EXOC6: variants seen among roughly 807,000 people sequenced by gnomAD.
The protein encoded by EXOC6 is SEC15-like 1.
EXOC6 carries 60 observed loss-of-function variants against 112.5 expected under a neutral mutation model. That is an observed-to-expected ratio of 0.53 (90% CI 0.43 to 0.66). The LOEUF is 0.66. Ranked by LOEUF, EXOC6 falls within the 30% of genes least tolerant of loss-of-function variation. The pLI is 0.00. For synonymous variants in EXOC6, 295 were observed against 308.0 expected, an observed-to-expected ratio of 0.96 and a Z score of 0.44; for missense variants, 855 against 957.1, an observed-to-expected ratio of 0.89 and a Z score of 1.41.
In EXOC6 at chr10:92,894,920, C is replaced by G; in HGVS notation, c.322-10C>G. ...TTGTTTAAAAATATGAACATTCCTT[C>G]TTTTCTAAGGTGATAGTCCACACAG... On this transcript the variant is annotated splice_polypyrimidine_tract_variant and intron_variant, in intron 3 of 21. Transcript: ENST00000260762. The G allele has an allele frequency of 6.2e-7, 1 of 1,607,580 alleles. No individual in the cohort carries two copies. The highest frequency in any genetic ancestry group is 2.2e-5 in the East Asian group (1 of 44,776).
At chr10:92,997,715 A>C in intron 19 of EXOC6, 100 bp downstream of exon 19, 1 of 1,090,314 alleles carries the variant, frequency 9.2e-7, no homozygotes, top group Non-Finnish European at 1.2e-6. Flanking sequence ...AGGAGGGAGA[A>C]GGCCTGGTTC....
intron 9 of EXOC6, among the ~76,000 whole-genome samples, chr10:92,933,057 C>A (rs934448406): frequency 7.2e-5 from 11 of 152,114 alleles, no homozygotes; most frequent in African/African-American, 1.2e-4. Flanking sequence ...GGTATATATA[C>A]TTTTATATAA....
chr10:92,880,679 G>T (rs779228173), intron 1 of EXOC6, among the ~76,000 whole-genome samples: 1 of 152,012 alleles, frequency 6.6e-6, no homozygotes, highest in Non-Finnish European at 1.5e-5. Flanking sequence ...AAAATTTCTG[G>T]TAATGGGAAG....
rs147448690 is a variant in EXOC6, at chr10:92,986,348, C to A, written c.1954-11126C>A. Among the ~76,000 whole-genome samples, 485 of 152,120 alleles carry A rather than the reference C, an allele frequency of 3.2e-3. 7 individuals carry two copies. The highest frequency in any genetic ancestry group is 0.011 in the African/African-American group (457 of 41,478). On this transcript the variant is annotated intron_variant, in intron 18 of 21. Transcript: ENST00000260762. Reference sequence around the variant, plus strand: ...TTTACTAATGCAAATAAAATTTATTCGAAGTTAATCTAGAAAAAAGTTAGT... The same window carrying A: ...TTTACTAATGCAAATAAAATTTATTAGAAGTTAATCTAGAAAAAAGTTAGT...
intron 1 of EXOC6, among the ~76,000 whole-genome samples, chr10:92,828,996 G>T (rs970060250): frequency 3.9e-5 from 6 of 152,122 alleles, no homozygotes; most frequent in Non-Finnish European, 8.8e-5. Context: ...ACAAAGAGGA[G>T]CCTGTAAAAT....
Position 92,978,418 on chromosome 10 carries a change from CAA to C in EXOC6, c.1953+4189_1953+4190del, listed in dbSNP as rs538986161. 8.9e-4 allele frequency among the ~76,000 whole-genome samples: 134 copies of C among 151,304 alleles called. 1 individual carries two copies. Among genetic ancestry groups the C allele is most frequent in the South Asian group, 2.9e-3 (14 of 4,770 alleles). On this transcript the variant is annotated intron_variant, in intron 18 of 21. Coordinates refer to ENST00000260762, the MANE Select transcript of EXOC6 (RefSeq NM_019053.6). Reference sequence around the variant, plus strand: ...GAGTGAGACCTGTCTCAAAAAAAAACAAAAGAGAAAAATGGTCCTAACAACAA... The same window carrying C: ...GAGTGAGACCTGTCTCAAAAAAAAACAAGAGAAAAATGGTCCTAACAACAA...
At chr10:92,961,331 A>T (rs1853985146) in intron 17 of EXOC6, among the ~76,000 whole-genome samples, 1 of 152,128 alleles carries the variant, frequency 6.6e-6, no homozygotes, top group Non-Finnish European at 1.5e-5. Flanking sequence ...TGTATATGAC[A>T]TTTATTTCTT....
intron 18 of EXOC6, among the ~76,000 whole-genome samples, chr10:92,997,241 G>A (rs1045356426): frequency 6.6e-6 from 1 of 152,072 alleles, no homozygotes; most frequent in South Asian, 2.1e-4. Context: ...TGCAGTTAGA[G>A]CTTTAATGAT....
intron 17 of EXOC6, among the ~76,000 whole-genome samples, chr10:92,956,491 G>A (rs1418242056): frequency 6.6e-6 from 1 of 151,930 alleles, no homozygotes; most frequent in African/African-American, 2.4e-5. Context: ...AACTTGCATT[G>A]TAAAAAATGA....
At chr10:92,906,282 A>G (rs530258518) in intron 5 of EXOC6, among the ~76,000 whole-genome samples, 116 of 152,180 alleles carry the variant, frequency 7.6e-4, no homozygotes, top group Non-Finnish European at 1.4e-3. Context: ...TTTTCCACTT[A>G]GAATTTAATA....
chr10:92,905,060 T>G (rs1421692229), intron 5 of EXOC6, among the ~76,000 whole-genome samples: 2 of 152,114 alleles, frequency 1.3e-5, no homozygotes, highest in Non-Finnish European at 2.9e-5. Flanking sequence ...AAAGAACGAC[T>G]CTTTTTCCAT....
intron 17 of EXOC6, among the ~76,000 whole-genome samples, chr10:92,956,381 A>G (rs1480190692): frequency 6.6e-6 from 1 of 152,154 alleles, no homozygotes; most frequent in African/African-American, 2.4e-5. Context: ...TGGGCTTGCT[A>G]ATTTAACCTT....
Position 92,854,815 on chromosome 10 carries a change from T to G in EXOC6, c.101+6181T>G, listed in dbSNP as rs559883250. 7.6e-4 allele frequency among the ~76,000 whole-genome samples: 115 copies of G among 151,898 alleles called. No individual in the cohort carries two copies. In the Middle Eastern group the frequency reaches 0.014, roughly 18 times the overall value. The stretch of plus-strand genomic sequence containing the variant: ...TTCATAAGATATTTTGATCTGTTTT[T>G]TGTGTGTGTGTGTGTGATGTCTTTG... On this transcript the variant is annotated intron_variant, in intron 1 of 21. Transcript: ENST00000260762.
At chr10:93,017,563 C>T (rs918197282) in intron 20 of EXOC6, among the ~76,000 whole-genome samples, 10 of 151,260 alleles carry the variant, frequency 6.6e-5, no homozygotes, top group Admixed American at 4.6e-4. Context: ...GCACCCCAGC[C>T]TGGCGACAGA....
At chr10:92,877,412 G>A (rs936151026) in intron 1 of EXOC6, among the ~76,000 whole-genome samples, 5 of 151,980 alleles carry the variant, frequency 3.3e-5, no homozygotes, top group African/African-American at 7.2e-5. Flanking sequence ...ACTTCTTTGA[G>A]CCTCATTTTC....
chr10:92,922,327 G>A (rs1851492057), intron 8 of EXOC6, among the ~76,000 whole-genome samples: 1 of 152,038 alleles, frequency 6.6e-6, no homozygotes, highest in Non-Finnish European at 1.5e-5. Flanking sequence ...TATAGCATTG[G>A]GAAAATTACT....
chr10:92,936,694 G>T (rs1042573337), intron 12 of EXOC6, among the ~76,000 whole-genome samples: 1 of 152,034 alleles, frequency 6.6e-6, no homozygotes, highest in African/African-American at 2.4e-5. Context: ...CAATATCACC[G>T]GCAAGTTGTA....
chr10:92,996,756 A>G (rs2134175667), intron 18 of EXOC6, among the ~76,000 whole-genome samples: 1 of 152,330 alleles, frequency 6.6e-6, no homozygotes, highest in South Asian at 2.1e-4. Context: ...AGATTATTAT[A>G]GTAGGAAATA....
chr10:93,052,604 A>G (rs896684100), intron 20 of EXOC6, among the ~76,000 whole-genome samples: 4 of 152,200 alleles, frequency 2.6e-5, no homozygotes, highest in African/African-American at 9.7e-5. Context: ...CTAATTTCAG[A>G]TAATCTTACA....
Sources: gnomAD v4.1 joint callset for allele counts (sites outside exome capture counted in the v4.1 genomes callset) on GRCh38, gnomAD v4.1.1 for gene constraint, MANE v1.5 for transcripts, NCBI Gene and HGNC (gene_info 2026-07-23, HGNC 2026-07-21) for gene names.